SUGCT: variants seen among roughly 807,000 people sequenced by gnomAD.
SUGCT encodes succinyl-CoA:glutarate CoA-transferase.
In SUGCT, 41 loss-of-function variants were observed where a neutral mutation model predicts 55.0. That is an observed-to-expected ratio of 0.74 (90% confidence interval 0.58 to 0.97). SUGCT has a LOEUF of 0.97. Ranked by LOEUF, SUGCT falls within the 50% of genes least tolerant of loss-of-function variation. The pLI is 0.00. For missense variants in SUGCT, 568 were observed against 547.8 expected (o/e 1.04, Z -0.37); for synonymous variants, 187 against 200.4 (o/e 0.93, Z 0.56).
At chr7:40,657,301 C>T (rs1271913954) in intron 12 of SUGCT, among the ~76,000 whole-genome samples, 1 of 152,008 alleles carries the variant, frequency 6.6e-6, no homozygotes, top group African/African-American at 2.4e-5. Flanking sequence ...TTGTTGTCAT[C>T]CCAGAAGTAA....
rs980306113 is a variant in SUGCT at position 40,408,203 on chromosome 7, T to A, written c.817-41084T>A. 9.2e-5 allele frequency among the ~76,000 whole-genome samples: 14 copies of A among 152,210 alleles called. 1 individual carries two copies. Among genetic ancestry groups the A allele is most frequent in the Admixed American group, 9.2e-4 (14 of 15,282 alleles). ...TTGGTTAATGTATAATGCATATATG[T>A]GCATATTCTATTTATCATATATATT... On this transcript the variant is annotated intron_variant, in intron 9 of 13. Transcript: ENST00000335693.
intron 12 of SUGCT, among the ~76,000 whole-genome samples, chr7:40,540,128 C>CACTT (rs1488850131): frequency 1.3e-5 from 2 of 152,122 alleles, no homozygotes; most frequent in African/African-American, 2.4e-5. Flanking sequence ...GAAAATCTTC[C>CACTT]ACTTACTCAT....
At chr7:40,709,165 G>A (rs1443604131) in intron 12 of SUGCT, among the ~76,000 whole-genome samples, 3 of 152,128 alleles carry the variant, frequency 2.0e-5, no homozygotes, top group Non-Finnish European at 4.4e-5. Flanking sequence ...CTTTATTTTA[G>A]CAGTGCAAGA....
intron 6 of SUGCT, among the ~76,000 whole-genome samples, chr7:40,215,249 C>T (rs1041640536): frequency 6.6e-6 from 1 of 152,114 alleles, no homozygotes; most frequent in African/African-American, 2.4e-5. Flanking sequence ...CTCAAACGAT[C>T]TTCCTACCTC....
chr7:40,667,802 G>T (rs1801726778), intron 12 of SUGCT, among the ~76,000 whole-genome samples: 1 of 151,886 alleles, frequency 6.6e-6, no homozygotes, highest in African/African-American at 2.4e-5. Flanking sequence ...TGTCACCTTT[G>T]TTGTTTCTGA....
chr7:40,350,381 T>C (rs1797559064), intron 9 of SUGCT, among the ~76,000 whole-genome samples: 1 of 151,446 alleles, frequency 6.6e-6, no homozygotes, highest in South Asian at 2.1e-4. Context: ...TGGCACGATC[T>C]CAGTTCACTG....
chr7:40,820,239 C>T (rs1028838703), intron 13 of SUGCT, among the ~76,000 whole-genome samples: 2 of 151,842 alleles, frequency 1.3e-5, no homozygotes, highest in Non-Finnish European at 2.9e-5. Context: ...ATCGTCTTGA[C>T]AATGTGGGCT....
chr7:40,361,956 C>T (rs1313431156), intron 9 of SUGCT, among the ~76,000 whole-genome samples: 1 of 151,920 alleles, frequency 6.6e-6, no homozygotes, highest in Non-Finnish European at 1.5e-5. Context: ...TTGAGAAGCA[C>T]TGGCTTAGAG....
chr7:40,495,748 T>C (rs1791935231), intron 11 of SUGCT, among the ~76,000 whole-genome samples: 1 of 152,200 alleles, frequency 6.6e-6, no homozygotes, highest in South Asian at 2.1e-4. Flanking sequence ...TAAACTGAAA[T>C]ATCACTCTTT....
At chr7:40,635,163 G>A (rs926692728) in intron 12 of SUGCT, among the ~76,000 whole-genome samples, 2 of 152,128 alleles carry the variant, frequency 1.3e-5, no homozygotes, top group African/African-American at 4.8e-5. Flanking sequence ...GCCAGTGCCT[G>A]TAGTCCCAGC....
intron 1 of SUGCT, chr7:40,154,082 A>G: frequency 4.1e-6 from 1 of 243,298 alleles, no homozygotes. Flanking sequence ...TTTGTGCTGC[A>G]GTTTATATTT....
chr7:40,577,405 T>A (rs1418440153), intron 12 of SUGCT, among the ~76,000 whole-genome samples: 1 of 152,040 alleles, frequency 6.6e-6, no homozygotes, highest in Non-Finnish European at 1.5e-5. Flanking sequence ...AAATCTCGTA[T>A]TTTCCTGGAT....
At chr7:40,502,947 A>G (rs1364574427) in intron 12 of SUGCT, among the ~76,000 whole-genome samples, 2 of 152,184 alleles carry the variant, frequency 1.3e-5, no homozygotes, top group Non-Finnish European at 2.9e-5. Context: ...ATTAGCATGC[A>G]TTCTACTACC....
chr7:41,032,958 T>C, the SUGCT span, among the ~76,000 whole-genome samples: 1 of 152,154 alleles, frequency 6.6e-6, no homozygotes, highest in African/African-American at 2.4e-5. Flanking sequence ...GACACAGGGT[T>C]TCACCATGTT....
In SUGCT at chr7:40,430,004, T is replaced by A. The variant is rs143201034; in HGVS notation, c.817-19283T>A. Among the ~76,000 whole-genome samples the A allele has an allele frequency of 7.5e-3, 1,135 of 152,330 alleles. 14 individuals carry two copies. The highest frequency in any genetic ancestry group is 0.026 in the African/African-American group (1,077 of 41,578). ...ATCTAAGTTGTGGCATTTCGCAAGT[T>A]CTTGTTCTTTTTTAAAAGCTGAACA... is the stretch of plus-strand genomic sequence containing the variant. On this transcript the variant is annotated intron_variant, in intron 9 of 13. Transcript: ENST00000335693.
chr7:40,706,297 A>T (rs568696233), intron 12 of SUGCT, among the ~76,000 whole-genome samples: 5 of 152,312 alleles, frequency 3.3e-5, no homozygotes, highest in African/African-American at 9.6e-5. Context: ...ACTTGAGGCC[A>T]GGAGTTCGAG....
intron 12 of SUGCT, among the ~76,000 whole-genome samples, chr7:40,710,918 C>T (rs1039550422): frequency 2.0e-5 from 3 of 152,074 alleles, no homozygotes; most frequent in Admixed American, 1.3e-4. Flanking sequence ...GAAATGCAGC[C>T]GTTAAGGTGT....
At chr7:40,958,463 A>G in the SUGCT span, among the ~76,000 whole-genome samples, 3 of 151,638 alleles carry the variant, frequency 2.0e-5, no homozygotes, top group Admixed American at 2.0e-4. Flanking sequence ...GGCTATTGAT[A>G]CTTGTGTATG....
chr7:40,939,915 A>T, the SUGCT span, among the ~76,000 whole-genome samples: 22 of 150,804 alleles, frequency 1.5e-4, no homozygotes, highest in Non-Finnish European at 2.7e-4. Flanking sequence ...TTCTTGTTGC[A>T]TTTGCTTTTG....
Sources: allele counts gnomAD v4.1 joint callset (sites outside exome capture counted in the v4.1 genomes callset), GRCh38; gene constraint gnomAD v4.1.1; transcripts MANE v1.5; gene names NCBI Gene and HGNC (gene_info 2026-07-23, HGNC 2026-07-21).